Variants in MACROD2 observed in about 807,000 individuals in gnomAD.
The protein encoded by MACROD2 is ADP-ribose glycohydrolase MACROD2.
A neutral mutation model predicts 70.4 loss-of-function variants in MACROD2; 36 were observed. The observed-to-expected ratio is 0.51, with a 90% CI of 0.39 to 0.68. MACROD2 has a LOEUF of 0.68. MACROD2 is among the 30% of genes least tolerant of loss of function. The pLI, the probability that MACROD2 is intolerant of heterozygous loss-of-function variation, is 0.00. For missense variants in MACROD2, 496 were observed against 538.4 expected (o/e 0.92, Z 0.78); for synonymous variants, 172 against 178.8 (o/e 0.96, Z 0.30).
At chr20:15,794,825 C>T (rs1418913687) in intron 8 of MACROD2, among the ~76,000 whole-genome samples, 2 of 152,190 alleles carry the variant, frequency 1.3e-5, no homozygotes, top group East Asian at 1.9e-4. Flanking sequence ...TAACAGAGAA[C>T]GCTATTTCTC....
chr20:15,391,583 G>A (rs190560675), intron 6 of MACROD2, among the ~76,000 whole-genome samples: 1 of 152,286 alleles, frequency 6.6e-6, no homozygotes, highest in East Asian at 1.9e-4. Context: ...CAGCCATGGG[G>A]TTGGATGGCA....
chr20:14,057,322 T>C (rs1294365334), intron 2 of MACROD2, among the ~76,000 whole-genome samples: 1 of 152,076 alleles, frequency 6.6e-6, no homozygotes, highest in Non-Finnish European at 1.5e-5. Flanking sequence ...AAGTTACTGA[T>C]AAGAGAAAAA....
intron 5 of MACROD2, among the ~76,000 whole-genome samples, chr20:14,927,332 G>T (rs1301340082): frequency 6.6e-6 from 1 of 152,112 alleles, no homozygotes; most frequent in Admixed American, 6.6e-5. Flanking sequence ...TTTAATCTGG[G>T]AACAATGCAG....
chr20:14,602,767 T>C (rs1982577995), intron 4 of MACROD2, among the ~76,000 whole-genome samples: 1 of 152,208 alleles, frequency 6.6e-6, no homozygotes, highest in South Asian at 2.1e-4. Flanking sequence ...TCTTAAAAAT[T>C]GAAAAGTTAA....
intron 10 of MACROD2, among the ~76,000 whole-genome samples, chr20:15,923,362 G>C (rs1409131710): frequency 1.3e-5 from 2 of 152,136 alleles, no homozygotes; most frequent in African/African-American, 2.4e-5. Context: ...GATCTCATGA[G>C]ACTTATTCAC....
intron 4 of MACROD2, among the ~76,000 whole-genome samples, chr20:14,576,826 C>T (rs1980632790): frequency 6.6e-6 from 1 of 152,114 alleles, no homozygotes; most frequent in South Asian, 2.1e-4. Context: ...AGAAATAATG[C>T]TTTAAACACA....
chr20:15,548,571 T>G (rs992573348), intron 8 of MACROD2, among the ~76,000 whole-genome samples: 2 of 152,136 alleles, frequency 1.3e-5, no homozygotes, highest in African/African-American at 4.8e-5. Flanking sequence ...AATTTTTGTA[T>G]TTTTAGTAGA....
chr20:15,527,763 G>A (rs2047740599), intron 8 of MACROD2, among the ~76,000 whole-genome samples: 1 of 152,208 alleles, frequency 6.6e-6, no homozygotes, highest in Admixed American at 6.5e-5. Context: ...AAACACTGAT[G>A]TTTGGTGCAC....
At chr20:15,639,650 A>G (rs551109462) in intron 8 of MACROD2, among the ~76,000 whole-genome samples, 2 of 152,294 alleles carry the variant, frequency 1.3e-5, no homozygotes, top group South Asian at 4.1e-4. Context: ...GCCCTGAAGT[A>G]TCTCTCCATC....
chr20:15,665,626 C>T (rs996893762), intron 8 of MACROD2, among the ~76,000 whole-genome samples: 4 of 152,040 alleles, frequency 2.6e-5, no homozygotes, highest in African/African-American at 9.7e-5. Flanking sequence ...CTTCTTCAAC[C>T]CCATCCTAAA....
intron 5 of MACROD2, chr20:15,196,959 G>C (rs2076611264): frequency 5.1e-6 from 5 of 985,208 alleles, no homozygotes; most frequent in Admixed American, 6.2e-5. Flanking sequence ...AGCCCTTTGG[G>C]CCTCAGGTAT....
chr20:15,778,095 A>G (rs1364884271), intron 8 of MACROD2, among the ~76,000 whole-genome samples: 1 of 152,182 alleles, frequency 6.6e-6, no homozygotes. Flanking sequence ...TAACCCCATG[A>G]GGTCAATCTT....
chr20:14,464,188 A>G (rs1424303701), intron 3 of MACROD2, among the ~76,000 whole-genome samples: 1 of 151,988 alleles, frequency 6.6e-6, no homozygotes, highest in African/African-American at 2.4e-5. Context: ...TTGGTAAGCT[A>G]TTAATTATTG....
At chr20:14,190,703 T>TATATATATACA (rs2081379841) in intron 3 of MACROD2, among the ~76,000 whole-genome samples, 1 of 25,118 alleles carries the variant, frequency 4.0e-5, no homozygotes, top group African/African-American at 9.2e-5. Context: ...TATATATTTT[T>TATATATATACA]TTTTTTTTTT....
At chr20:14,759,876 C>T (rs1440720619) in intron 5 of MACROD2, among the ~76,000 whole-genome samples, 2 of 152,006 alleles carry the variant, frequency 1.3e-5, no homozygotes, top group African/African-American at 4.8e-5. Context: ...ATGGTAGGTG[C>T]TTTTCTGATT....
Position 15,974,150 on chromosome 20 carries a change from G to A in MACROD2, c.985+6520G>A, listed in dbSNP as rs13045136. ...GATCTGGGATTTCAGTACATATTCT[G>A]GCCGACATTTCAAAGACAGATGACT... On this transcript the variant is annotated intron_variant, in intron 13 of 17. Coordinates refer to ENST00000684519, the MANE Select transcript of MACROD2 (RefSeq NM_001351661.2). Among the ~76,000 whole-genome samples, 1,164 of 152,182 alleles carry A rather than the reference G, an allele frequency of 7.6e-3. 8 individuals are homozygous for A. The highest frequency in any genetic ancestry group is 0.011 in the Non-Finnish European group (775 of 67,990).
chr20:14,152,028 A>C (rs1338323791), intron 3 of MACROD2, among the ~76,000 whole-genome samples: 1 of 151,728 alleles, frequency 6.6e-6, no homozygotes, highest in African/African-American at 2.4e-5. Context: ...TCACTGTGTT[A>C]GCCAGGATGG....
At chr20:14,408,625 A>G (rs747199424) in intron 3 of MACROD2, among the ~76,000 whole-genome samples, 1 of 152,226 alleles carries the variant, frequency 6.6e-6, no homozygotes, top group Non-Finnish European at 1.5e-5. Context: ...GAGTATAAAC[A>G]TGGGTGGACC....
chr20:15,333,718 A>G (rs1254208802), intron 6 of MACROD2, among the ~76,000 whole-genome samples: 1 of 151,538 alleles, frequency 6.6e-6, no homozygotes, highest in South Asian at 2.1e-4. Flanking sequence ...AGGAGGTTCA[A>G]TTAGTTAATG....
Sources: gnomAD v4.1 joint callset for allele counts (sites outside exome capture counted in the v4.1 genomes callset) on GRCh38, gnomAD v4.1.1 for gene constraint, MANE v1.5 for transcripts, NCBI Gene and HGNC (gene_info 2026-07-23, HGNC 2026-07-21) for gene names.